Variants in TRMT11 observed in about 807,000 individuals in gnomAD.
TRMT11 encodes tRNA (guanine(10)-N(2))-methyltransferase TRMT11.
Under a neutral mutation model 62.8 loss-of-function variants are expected in TRMT11, and 53 were observed. The observed-to-expected ratio is 0.84, with a 90% CI of 0.68 to 1.06. TRMT11 has a LOEUF of 1.06. TRMT11 is among the 50% of genes least tolerant of loss of function. The probability of loss-of-function intolerance (pLI) is 0.00; values close to 1 mark genes in which losing one functional copy is unlikely to be tolerated. For missense variants in TRMT11, 556 were observed against 553.4 expected, an observed-to-expected ratio of 1.00 and a Z score of -0.05; for synonymous variants, 188 against 190.3, an observed-to-expected ratio of 0.99 and a Z score of 0.10.
At chr6:126,228,934 T>C in the TRMT11 span, among the ~76,000 whole-genome samples, 1 of 152,196 alleles carries the variant, frequency 6.6e-6, no homozygotes, top group Non-Finnish European at 1.5e-5. Context: ...TGTTTCGATA[T>C]TCAAATTAGT....
intron 21 of TRMT11, among the ~76,000 whole-genome samples, chr6:126,130,788 C>T (rs905627212): frequency 2.6e-5 from 4 of 152,122 alleles, no homozygotes; most frequent in Non-Finnish European, 5.9e-5. Flanking sequence ...TTTTTCTCTT[C>T]ACATGCCATC....
At chr6:126,118,246 C>A (rs1409553828) in intron 21 of TRMT11, among the ~76,000 whole-genome samples, 1 of 152,088 alleles carries the variant, frequency 6.6e-6, no homozygotes, top group Non-Finnish European at 1.5e-5. Context: ...GCCCACAAAA[C>A]CAGCAGCAGG....
downstream of TRMT11, among the ~76,000 whole-genome samples, chr6:126,207,686 T>C (rs958592422): frequency 1.3e-5 from 2 of 152,180 alleles, no homozygotes; most frequent in African/African-American, 2.4e-5. Flanking sequence ...TTAGGGTGTA[T>C]AAAGTCAATT....
At chr6:126,125,991 A>G (rs1286394516) in intron 21 of TRMT11, among the ~76,000 whole-genome samples, 3 of 152,098 alleles carry the variant, frequency 2.0e-5, no homozygotes, top group Non-Finnish European at 4.4e-5. Flanking sequence ...CCACTTTCCT[A>G]CATGATATTA....
the TRMT11 span, among the ~76,000 whole-genome samples, chr6:126,270,434 A>G: frequency 6.6e-6 from 1 of 152,206 alleles, no homozygotes; most frequent in African/African-American, 2.4e-5. Flanking sequence ...TCTAAATGTA[A>G]TACATAATCC....
chr6:126,132,622 A>G (rs1777798556), intron 21 of TRMT11, among the ~76,000 whole-genome samples: 1 of 152,058 alleles, frequency 6.6e-6, no homozygotes, highest in South Asian at 2.1e-4. Flanking sequence ...TTGAAGAGTG[A>G]TGACCAATAT....
At chr6:126,000,767 C>T (rs1018488343) in intron 7 of TRMT11, among the ~76,000 whole-genome samples, 1 of 152,092 alleles carries the variant, frequency 6.6e-6, no homozygotes, top group Admixed American at 6.6e-5. Context: ...TGAGTTAATT[C>T]ACTGGTGAGT....
chr6:126,215,720 G>C, the TRMT11 span, among the ~76,000 whole-genome samples: 1 of 151,580 alleles, frequency 6.6e-6, no homozygotes, highest in African/African-American at 2.4e-5. Context: ...CTAATTTCTT[G>C]GTTTTTATTT....
chr6:126,007,731 T>TG (rs1485065521), intron 7 of TRMT11, among the ~76,000 whole-genome samples: 1 of 152,010 alleles, frequency 6.6e-6, no homozygotes, highest in African/African-American at 2.4e-5. Context: ...TTGGGACAGT[T>TG]GTTCTTACTT....
intron 12 of TRMT11, among the ~76,000 whole-genome samples, chr6:126,031,008 G>A (rs1337311498): frequency 1.3e-5 from 2 of 152,118 alleles, no homozygotes; most frequent in Non-Finnish European, 2.9e-5. Flanking sequence ...CAGGAGATGA[G>A]ACTTTACAGT....
intron 21 of TRMT11, among the ~76,000 whole-genome samples, chr6:126,139,666 G>A (rs143728476): frequency 6.6e-6 from 1 of 152,172 alleles, no homozygotes; most frequent in East Asian, 1.9e-4. Flanking sequence ...ATCATGCCCA[G>A]CCTATGTAAC....
At chr6:126,241,532 G>A in the TRMT11 span, among the ~76,000 whole-genome samples, 1 of 152,152 alleles carries the variant, frequency 6.6e-6, no homozygotes, top group Non-Finnish European at 1.5e-5. Context: ...GAACATTGAT[G>A]CAAAAATCCT....
At chr6:126,147,900 G>T (rs991711310) in intron 21 of TRMT11, among the ~76,000 whole-genome samples, 4 of 152,006 alleles carry the variant, frequency 2.6e-5, no homozygotes, top group Non-Finnish European at 5.9e-5. Flanking sequence ...CTGTCGTGGG[G>T]GTAGGGGGCT....
chr6:126,048,077 C>A (rs1325856969), intron 16 of TRMT11, among the ~76,000 whole-genome samples: 2 of 152,188 alleles, frequency 1.3e-5, no homozygotes, highest in Non-Finnish European at 2.9e-5. Context: ...CATTCTGCTG[C>A]CTGAAACAAA....
chr6:125,988,202 A>G (rs1362995591), intron 1 of TRMT11, among the ~76,000 whole-genome samples: 1 of 152,250 alleles, frequency 6.6e-6, no homozygotes, highest in East Asian at 1.9e-4. Flanking sequence ...AGTGTCATTG[A>G]TAGTCTCAAT....
intron 17 of TRMT11, among the ~76,000 whole-genome samples, chr6:126,086,096 G>A (rs1363664177): frequency 3.9e-5 from 6 of 152,122 alleles, no homozygotes; most frequent in African/African-American, 1.4e-4. Context: ...ATATTAAAAG[G>A]ATGCATTTTC....
chr6:126,235,077 A>G, the TRMT11 span, among the ~76,000 whole-genome samples: 1 of 152,222 alleles, frequency 6.6e-6, no homozygotes, highest in Non-Finnish European at 1.5e-5. Context: ...GAAGACATAC[A>G]TACAGCCAAC....
intron 17 of TRMT11, among the ~76,000 whole-genome samples, chr6:126,085,081 T>A (rs1426556280): frequency 6.6e-6 from 1 of 152,150 alleles, no homozygotes; most frequent in Non-Finnish European, 1.5e-5. Context: ...TTAAGTGTTC[T>A]TGCTCCTCCC....
Position 126,008,407 on chromosome 6 carries a change from C to G in TRMT11, c.695C>G (p.Ala232Gly), listed in dbSNP as rs771004575. The G allele has an allele frequency of 1.2e-6, 2 of 1,612,954 alleles. No individual in the cohort carries two copies. The highest frequency in any genetic ancestry group is 1.7e-5 in the Admixed American group (1 of 59,950). ...PFVGTGGLLI[A>G]CAHFGAYVYG... ...GATTTTTCAGGTGGCCTGCTGATAG[C>G]ATGTGCTCATTTTGGTGCATATGTG... Residue 232 changes from alanine (A) to glycine (G), a missense_variant, in exon 8 of 13, where the codon GCA becomes GGA. Coordinates refer to ENST00000334379, the MANE Select transcript of TRMT11 (RefSeq NM_001031712.3).
Sources: gnomAD v4.1 joint callset for allele counts (sites outside exome capture counted in the v4.1 genomes callset) on GRCh38, gnomAD v4.1.1 for gene constraint, MANE v1.5 for transcripts, NCBI Gene and HGNC (gene_info 2026-07-23, HGNC 2026-07-21) for gene names.